PLD5: variants seen among roughly 807,000 people sequenced by gnomAD.
The protein encoded by PLD5 is phospholipase D family member 5, also known as inactive phospholipase D5.
In PLD5, 36 loss-of-function variants were observed where a neutral mutation model predicts 61.1. That is an observed-to-expected ratio of 0.59 (90% confidence interval 0.45 to 0.78). The LOEUF (loss-of-function observed/expected upper bound fraction) is 0.78, where lower values mean the gene tolerates loss of function less well. Ranked by LOEUF, PLD5 falls within the 30% of genes least tolerant of loss-of-function variation. The probability of loss-of-function intolerance (pLI) is 0.00; values close to 1 mark genes in which losing one functional copy is unlikely to be tolerated. For missense variants in PLD5, 515 were observed against 644.4 expected (o/e 0.80, Z 2.17); for synonymous variants, 243 against 242.8 (o/e 1.00, Z -0.01).
At chr1:242,374,978 T>C (rs1661862849) in intron 1 of PLD5, among the ~76,000 whole-genome samples, 1 of 152,140 alleles carries the variant, frequency 6.6e-6, no homozygotes, top group Admixed American at 6.5e-5. Context: ...GCCCCTACAG[T>C]TTTACACACA....
intron 5 of PLD5, among the ~76,000 whole-genome samples, chr1:242,188,244 T>A (rs1668030678): frequency 6.6e-6 from 1 of 152,034 alleles, no homozygotes; most frequent in Non-Finnish European, 1.5e-5. Context: ...TGAGATGAAG[T>A]GGCTGAAGAA....
At position 242,112,731 on chromosome 1, in the gene PLD5, TCAG is replaced by T. The variant is rs374535383; in HGVS notation, c.1070+1156_1070+1158del. Among the ~76,000 whole-genome samples, 501 of 152,272 alleles carry T rather than the reference TCAG, an allele frequency of 3.3e-3. 4 individuals are homozygous for T. The highest frequency in any genetic ancestry group is 0.011 in the African/African-American group (468 of 41,566). Reference sequence around the variant, plus strand: ...AAAGGGCACACTTAATCATTTAGCCTCAGTAAATGCTTATTTTGAAACTGTAAT... The same window carrying T: ...AAAGGGCACACTTAATCATTTAGCCTTAAATGCTTATTTTGAAACTGTAAT... On this transcript the variant is annotated intron_variant, in intron 7 of 9. Coordinates refer to ENST00000536534, the MANE Select transcript of PLD5 (RefSeq NM_001372062.1).
At chr1:242,115,176 TGAAAAGAAAAAA>T (rs1252025831) in intron 6 of PLD5, among the ~76,000 whole-genome samples, 1 of 151,726 alleles carries the variant, frequency 6.6e-6, no homozygotes, top group Non-Finnish European at 1.5e-5. Flanking sequence ...AGATGCTGTC[TGAAAAGAAAAAA>T]GAAAAAAAAG....
chr1:242,476,503 G>A (rs1423508095), intron 1 of PLD5, among the ~76,000 whole-genome samples: 1 of 152,118 alleles, frequency 6.6e-6, no homozygotes, highest in East Asian at 1.9e-4. Context: ...GTAAAAACTG[G>A]TATCAGGATT....
intron 1 of PLD5, among the ~76,000 whole-genome samples, chr1:242,367,562 C>A (rs767068485): frequency 6.6e-6 from 1 of 152,180 alleles, no homozygotes. Flanking sequence ...ATGAATGCCT[C>A]ACATCTCAGC....
At chr1:242,522,536 G>T (rs1669312315) in intron 1 of PLD5, among the ~76,000 whole-genome samples, 1 of 152,204 alleles carries the variant, frequency 6.6e-6, no homozygotes, top group Admixed American at 6.5e-5. Flanking sequence ...CCAGCTAAAA[G>T]CACAAACTGC....
chr1:242,411,377 A>G (rs958632441), intron 1 of PLD5, among the ~76,000 whole-genome samples: 41 of 152,142 alleles, frequency 2.7e-4, no homozygotes, highest in Non-Finnish European at 4.6e-4. Flanking sequence ...CTGGGACTAC[A>G]GGCGCCCGCC....
At chr1:242,165,073 C>CTCTCAGATGAAATAGCT (rs1666202534) in intron 5 of PLD5, among the ~76,000 whole-genome samples, 1 of 152,072 alleles carries the variant, frequency 6.6e-6, no homozygotes, top group South Asian at 2.1e-4. Flanking sequence ...TGAGAGGTCT[C>CTCTCAGATGAAATAGCT]TCTCAGATGA....
rs557318551 is a variant in PLD5, at chr1:242,395,143, AAT to A, written c.190-46903_190-46902del. 5.4e-5 allele frequency among the ~76,000 whole-genome samples: 8 copies of A among 148,948 alleles called. No homozygotes were observed. The South Asian group carries it at 1.5e-3, about 27-fold the overall frequency. On this transcript the variant is annotated intron_variant, in intron 1 of 9. Coordinates refer to ENST00000536534, the MANE Select transcript of PLD5 (RefSeq NM_001372062.1). Reference sequence around the variant, plus strand: ...TATGTATGTATATGTATATATTTTAAATAGAGCTATTCCTAAAATTTTTAAAA... The same window carrying A: ...TATGTATGTATATGTATATATTTTAAAGAGCTATTCCTAAAATTTTTAAAA...
At chr1:242,520,851 C>T (rs1266912500) in intron 1 of PLD5, among the ~76,000 whole-genome samples, 1 of 152,174 alleles carries the variant, frequency 6.6e-6, no homozygotes, top group African/African-American at 2.4e-5. Flanking sequence ...TGGAAGTAGT[C>T]CCTTGCTCCT....
At chr1:242,218,854 G>A (rs1201740210) in intron 5 of PLD5, among the ~76,000 whole-genome samples, 5 of 152,064 alleles carry the variant, frequency 3.3e-5, no homozygotes, top group Non-Finnish European at 7.4e-5. Context: ...AATTATAAGA[G>A]GAGTATTTCC....
intron 5 of PLD5, among the ~76,000 whole-genome samples, chr1:242,198,408 G>A (rs761185490): frequency 5.3e-5 from 8 of 152,036 alleles, no homozygotes; most frequent in South Asian, 2.1e-4. Context: ...TGACTTCTGC[G>A]GTAGAAGCAA....
intron 5 of PLD5, among the ~76,000 whole-genome samples, chr1:242,160,330 G>A (rs975017043): frequency 6.6e-6 from 1 of 152,062 alleles, no homozygotes; most frequent in Non-Finnish European, 1.5e-5. Context: ...AGAATCAGAA[G>A]TTAATATTTA....
chr1:242,228,396 G>A (rs947494374), intron 4 of PLD5, among the ~76,000 whole-genome samples: 1 of 152,126 alleles, frequency 6.6e-6, no homozygotes, highest in Admixed American at 6.6e-5. Context: ...GCACCCGCAG[G>A]ACACAGAATG....
intron 1 of PLD5, among the ~76,000 whole-genome samples, chr1:242,375,910 T>C (rs1483178989): frequency 6.6e-6 from 1 of 152,104 alleles, no homozygotes; most frequent in Non-Finnish European, 1.5e-5. Flanking sequence ...ACCAGAACAT[T>C]TGGCAGCAGC....
In PLD5 at chr1:242,124,589, C is replaced by A. The variant is rs758663255; in HGVS notation, c.812G>T (p.Ser271Ile). Residue 271 changes from serine to isoleucine, a missense_variant, in exon 6 of 10, where the codon AGT (serine) becomes ATT (isoleucine). Physicochemically the swap from Ser to Ile is moderately radical, Grantham distance 142. Transcript: ENST00000536534. ...CACTCTGCTTTTGAATTTTAATGAA[C>A]TATATAGAGCAAATATCCTTTGTAA... is the stretch of plus-strand genomic sequence containing the variant. Reference protein sequence around the residue: ...LDLQRIFALYSSLKFKSRVPQ... With the variant: ...LDLQRIFALYISLKFKSRVPQ... The A allele has an allele frequency of 1.9e-6, 3 of 1,613,886 alleles. No homozygotes were observed. Among genetic ancestry groups the A allele is most frequent in the Non-Finnish European group, 2.5e-6 (3 of 1,179,828 alleles).
chr1:242,354,310 A>C (rs1483356008), intron 1 of PLD5, among the ~76,000 whole-genome samples: 1 of 152,138 alleles, frequency 6.6e-6, no homozygotes, highest in Non-Finnish European at 1.5e-5. Flanking sequence ...ATCCACCCTG[A>C]ATTTGCATTG....
chr1:242,283,812 T>C (rs1168383160), intron 3 of PLD5, among the ~76,000 whole-genome samples: 3 of 152,100 alleles, frequency 2.0e-5, no homozygotes, highest in Non-Finnish European at 2.9e-5. Flanking sequence ...GCCCAAAGTT[T>C]GAAAGGTTTG....
intron 1 of PLD5, among the ~76,000 whole-genome samples, chr1:242,382,181 G>A (rs958076387): frequency 6.6e-6 from 1 of 150,406 alleles, no homozygotes; most frequent in Non-Finnish European, 1.5e-5. Flanking sequence ...GGAATGAGGT[G>A]AAAGTTATCG....
Sources: allele counts gnomAD v4.1 joint callset (sites outside exome capture counted in the v4.1 genomes callset), GRCh38; gene constraint gnomAD v4.1.1; transcripts MANE v1.5; gene names NCBI Gene and HGNC (gene_info 2026-07-23, HGNC 2026-07-21).